The following LPAR1 variants were observed in gnomAD, a reference collection of about 807,000 sequenced individuals.
The protein encoded by LPAR1 is LPA receptor 1.
Under a neutral mutation model 23.8 loss-of-function variants are expected in LPAR1, and 5 were observed. The observed-to-expected ratio is 0.21, with a 90% CI of 0.11 to 0.44. LPAR1 has a LOEUF of 0.44. Among genes scored for constraint, LPAR1 ranks in the 20% least tolerant of loss-of-function variants. The pLI, the probability that LPAR1 is intolerant of heterozygous loss-of-function variation, is 0.99. For missense variants in LPAR1, 311 were observed against 482.8 expected (o/e 0.64, Z 3.33); for synonymous variants, 160 against 164.7 (o/e 0.97, Z 0.22).
intron 4 of LPAR1, among the ~76,000 whole-genome samples, chr9:110,956,871 A>G (rs897451064): frequency 1.3e-5 from 2 of 152,200 alleles, no homozygotes; most frequent in African/African-American, 4.8e-5. Flanking sequence ...AAGAATTAAC[A>G]CAATTCTCCT....
intron 5 of LPAR1, among the ~76,000 whole-genome samples, chr9:110,920,763 T>A (rs968079839): frequency 6.6e-6 from 1 of 152,186 alleles, no homozygotes; most frequent in African/African-American, 2.4e-5. Flanking sequence ...CTATCTGCAC[T>A]ATCATACCTA....
chr9:111,020,634 C>T (rs1467136378), intron 2 of LPAR1, among the ~76,000 whole-genome samples: 1 of 152,124 alleles, frequency 6.6e-6, no homozygotes, highest in Admixed American at 6.5e-5. Flanking sequence ...TACCCTAACC[C>T]CATGACCCCA....
At chr9:110,951,201 A>G (rs2095558782) in intron 4 of LPAR1, among the ~76,000 whole-genome samples, 1 of 152,102 alleles carries the variant, frequency 6.6e-6, no homozygotes, top group South Asian at 2.1e-4. Flanking sequence ...AAATACACAT[A>G]TAATAAAATA....
chr9:110,924,068 T>C (rs1369255769), intron 5 of LPAR1, among the ~76,000 whole-genome samples: 3 of 152,030 alleles, frequency 2.0e-5, no homozygotes, highest in Non-Finnish European at 2.9e-5. Flanking sequence ...TGTAACATAG[T>C]GCCACTAAAA....
At chr9:110,997,076 G>C (rs1294586671) in intron 2 of LPAR1, among the ~76,000 whole-genome samples, 1 of 152,124 alleles carries the variant, frequency 6.6e-6, no homozygotes, top group Admixed American at 6.5e-5. Context: ...GTCAGTGCCT[G>C]GTATTGGGAA....
At chr9:111,015,874 T>A (rs1406300769) in intron 2 of LPAR1, among the ~76,000 whole-genome samples, 3 of 151,544 alleles carry the variant, frequency 2.0e-5, no homozygotes, top group Admixed American at 6.6e-5. Context: ...ATGGCAATGA[T>A]CTGTTTCAAA....
At chr9:110,900,823 G>A (rs1179425124) in intron 5 of LPAR1, among the ~76,000 whole-genome samples, 2 of 152,096 alleles carry the variant, frequency 1.3e-5, no homozygotes, top group South Asian at 2.1e-4. Flanking sequence ...AAAAGTGAAG[G>A]TAGTATTTGG....
intron 5 of LPAR1, among the ~76,000 whole-genome samples, chr9:110,917,943 C>T (rs2093325247): frequency 6.6e-6 from 1 of 152,146 alleles, no homozygotes; most frequent in Non-Finnish European, 1.5e-5. Context: ...CGCTCTGCCA[C>T]CCAGGCTGTA....
chr9:110,995,897 C>T (rs2096990963), intron 2 of LPAR1, among the ~76,000 whole-genome samples: 1 of 152,062 alleles, frequency 6.6e-6, no homozygotes, highest in Non-Finnish European at 1.5e-5. Flanking sequence ...AATATAATAG[C>T]GGACACTTTT....
In LPAR1 at chr9:110,969,802, T is replaced by C. The variant is rs527444872; in HGVS notation, c.45+2271A>G. ...TTCATTAAGTCTTTCTACTATTGGATATTCACAAAATTTTGTACTTCTTGG... is the reference window on the plus strand; with the variant it reads ...TTCATTAAGTCTTTCTACTATTGGACATTCACAAAATTTTGTACTTCTTGG... On this transcript the variant is annotated intron_variant, in intron 4 of 5. Transcript: ENST00000683809. Among the ~76,000 whole-genome samples, 10 of 152,330 alleles carry C rather than the reference T, an allele frequency of 6.6e-5. No homozygotes were observed. The South Asian group carries it at 2.1e-3, about 32-fold the overall frequency.
chr9:110,887,689 C>G (rs1442260975), intron 5 of LPAR1, among the ~76,000 whole-genome samples: 2 of 152,138 alleles, frequency 1.3e-5, no homozygotes, highest in Non-Finnish European at 2.9e-5. Context: ...CTTTTTTCTA[C>G]ATAAATTTCA....
At chr9:110,993,696 G>C (rs182557691) in intron 2 of LPAR1, among the ~76,000 whole-genome samples, 96 of 152,258 alleles carry the variant, frequency 6.3e-4, no homozygotes, top group African/African-American at 2.2e-3. Context: ...CAATAACAAT[G>C]AGCACACCTA....
At chr9:110,930,523 T>C (rs2094339930) in intron 5 of LPAR1, among the ~76,000 whole-genome samples, 1 of 150,926 alleles carries the variant, frequency 6.6e-6, no homozygotes, top group South Asian at 2.1e-4. Context: ...AAAATAAAAA[T>C]AAAAATAAAA....
intron 4 of LPAR1, among the ~76,000 whole-genome samples, chr9:110,968,745 C>T (rs999698815): frequency 2.6e-5 from 4 of 152,174 alleles, no homozygotes; most frequent in Admixed American, 1.3e-4. Context: ...TCTTGTATCC[C>T]CCAGCCCTGC....
At chr9:111,037,784 AC>A (rs1481151877) in intron 1 of LPAR1, 4 of 151,922 alleles carry the variant, frequency 2.6e-5, no homozygotes, top group African/African-American at 9.7e-5. Context: ...ACCCACCCCG[AC>A]CCAGGTAACC....
intron 5 of LPAR1, among the ~76,000 whole-genome samples, chr9:110,922,790 T>C (rs746231659): frequency 6.7e-6 from 1 of 149,928 alleles, no homozygotes; most frequent in Non-Finnish European, 1.5e-5. Context: ...ATCTCAGCAG[T>C]GAGTTGCATA....
At chr9:110,999,441 C>G (rs935344306) in intron 2 of LPAR1, 3 of 455,846 alleles carry the variant, frequency 6.6e-6, no homozygotes, top group Non-Finnish European at 1.3e-5. Context: ...GCAGCAGCAT[C>G]CCCACACCAT....
intron 5 of LPAR1, among the ~76,000 whole-genome samples, chr9:110,933,881 G>A (rs76833231): frequency 3.9e-5 from 6 of 152,232 alleles, no homozygotes; most frequent in East Asian, 1.9e-4. Context: ...CTGTTTAAAC[G>A]TTTCTTCTGA....
At chr9:110,897,716 G>A (rs2086935628) in intron 5 of LPAR1, among the ~76,000 whole-genome samples, 1 of 151,294 alleles carries the variant, frequency 6.6e-6, no homozygotes, top group Non-Finnish European at 1.5e-5. Context: ...AAGGTAAAAG[G>A]AAAAAGACAA....
Sources: gnomAD v4.1 joint callset for allele counts (sites outside exome capture counted in the v4.1 genomes callset) on GRCh38, gnomAD v4.1.1 for gene constraint, MANE v1.5 for transcripts, NCBI Gene and HGNC (gene_info 2026-07-23, HGNC 2026-07-21) for gene names.